Variants in CDH12 observed in about 807,000 individuals in gnomAD.
CDH12 encodes the protein cadherin-12.
A neutral mutation model predicts 74.1 loss-of-function variants in CDH12; 41 were observed. That is an observed-to-expected ratio of 0.55 (90% CI 0.43 to 0.72). CDH12 has a LOEUF of 0.72. CDH12 is among the 30% of genes least tolerant of loss of function. The probability of loss-of-function intolerance (pLI) is 0.00; values close to 1 mark genes in which losing one functional copy is unlikely to be tolerated. For synonymous variants in CDH12, 399 were observed against 355.0 expected (o/e 1.12, Z -1.39); for missense variants, 945 against 977.2 (o/e 0.97, Z 0.44).
At chr5:21,812,531 T>C (rs1223230678) in intron 9 of CDH12, among the ~76,000 whole-genome samples, 1 of 152,128 alleles carries the variant, frequency 6.6e-6, no homozygotes, top group Non-Finnish European at 1.5e-5. Context: ...TGCTTGAGTA[T>C]AGTACTATTT....
At chr5:22,828,275 T>C (rs1424483748) in intron 1 of CDH12, among the ~76,000 whole-genome samples, 6 of 152,182 alleles carry the variant, frequency 3.9e-5, no homozygotes, top group Non-Finnish European at 8.8e-5. Context: ...GGTTATAGGT[T>C]ATATATCAGC....
intron 1 of CDH12, chr5:22,638,871 A>T (rs1738976480): frequency 6.6e-6 from 1 of 151,438 alleles, no homozygotes; most frequent in Non-Finnish European, 1.5e-5. Flanking sequence ...TAACAAGGTG[A>T]AACCCCGTCT....
At chr5:22,179,638 A>G (rs532877284) in intron 4 of CDH12, among the ~76,000 whole-genome samples, 1 of 152,306 alleles carries the variant, frequency 6.6e-6, no homozygotes, top group African/African-American at 2.4e-5. Context: ...GGGTCAGAAT[A>G]TGTTTTTAAA....
At position 21,806,877 on chromosome 5, in the gene CDH12, G is replaced by A. The variant is rs568822160; in HGVS notation, c.1003-4457C>T. On this transcript the variant is annotated intron_variant, in intron 9 of 14. Transcript: ENST00000382254. ...GTTTATACTTTAACTTTGAACCAAG[G>A]ATGATAGTAGTCCCTCCCTATAACT... Among the ~76,000 whole-genome samples, 6 of 152,294 alleles carry A rather than the reference G, an allele frequency of 3.9e-5. No homozygotes were observed. In the South Asian group the frequency reaches 1.2e-3, roughly 32 times the overall value.
At chr5:22,797,591 A>C (rs1031210241) in intron 1 of CDH12, among the ~76,000 whole-genome samples, 1 of 152,200 alleles carries the variant, frequency 6.6e-6, no homozygotes, top group Non-Finnish European at 1.5e-5. Flanking sequence ...AAGAGTAAAA[A>C]ACAATAGATA....
At chr5:22,755,897 A>G (rs1745872654) in intron 1 of CDH12, among the ~76,000 whole-genome samples, 2 of 152,064 alleles carry the variant, frequency 1.3e-5, no homozygotes, top group South Asian at 4.1e-4. Flanking sequence ...ACAAGTTAGA[A>G]CTGTGAAAAA....
intron 3 of CDH12, among the ~76,000 whole-genome samples, chr5:22,323,627 C>T (rs1201935163): frequency 1.3e-5 from 2 of 152,092 alleles, no homozygotes; most frequent in African/African-American, 2.4e-5. Flanking sequence ...AGAAACATAT[C>T]GCCACATGAC....
chr5:22,761,126 C>T (rs1746205801), intron 1 of CDH12, among the ~76,000 whole-genome samples: 2 of 152,150 alleles, frequency 1.3e-5, no homozygotes, highest in African/African-American at 4.8e-5. Flanking sequence ...ATGAATGACA[C>T]TTCAAAGATG....
chr5:22,006,736 C>T (rs1194475231), intron 5 of CDH12, among the ~76,000 whole-genome samples: 1 of 152,078 alleles, frequency 6.6e-6, no homozygotes, highest in East Asian at 1.9e-4. Context: ...TCTCAGGGTC[C>T]TCATCTGTAT....
intron 1 of CDH12, among the ~76,000 whole-genome samples, chr5:22,509,476 A>G (rs1736516160): frequency 2.0e-5 from 3 of 152,216 alleles, no homozygotes; most frequent in Admixed American, 2.0e-4. Flanking sequence ...GACAGGAAGA[A>G]AAAATAAATC....
At chr5:22,072,575 T>TTTA (rs1045292328) in intron 5 of CDH12, among the ~76,000 whole-genome samples, 6 of 150,908 alleles carry the variant, frequency 4.0e-5, no homozygotes, top group African/African-American at 1.2e-4. Context: ...TGTTTAGGCT[T>TTTA]TTATTATTAT....
At chr5:22,380,619 C>T (rs956184788) in intron 3 of CDH12, among the ~76,000 whole-genome samples, 9 of 152,056 alleles carry the variant, frequency 5.9e-5, no homozygotes, top group African/African-American at 2.2e-4. Context: ...CACGCATTTT[C>T]TTAAAACTAA....
intron 7 of CDH12, among the ~76,000 whole-genome samples, chr5:21,846,679 A>T (rs1182975153): frequency 6.6e-6 from 1 of 151,798 alleles, no homozygotes; most frequent in East Asian, 1.9e-4. Context: ...AATCTATTTC[A>T]TTGATTTCTT....
chr5:22,027,842 C>A (rs542401583), intron 5 of CDH12, among the ~76,000 whole-genome samples: 1 of 152,058 alleles, frequency 6.6e-6, no homozygotes, highest in South Asian at 2.1e-4. Flanking sequence ...TTAGTTATTT[C>A]TTGCCTTCTG....
chr5:22,717,302 A>G (rs1197423451), intron 1 of CDH12, among the ~76,000 whole-genome samples: 2 of 152,140 alleles, frequency 1.3e-5, no homozygotes, highest in African/African-American at 4.8e-5. Flanking sequence ...TAAATACACA[A>G]AAATATTTAC....
intron 5 of CDH12, among the ~76,000 whole-genome samples, chr5:21,992,444 C>T (rs888186248): frequency 1.3e-5 from 2 of 151,916 alleles, no homozygotes; most frequent in Admixed American, 1.3e-4. Context: ...TGATTGAGGC[C>T]TTAAATGTTG....
intron 6 of CDH12, among the ~76,000 whole-genome samples, chr5:21,956,296 G>A (rs1174872578): frequency 6.6e-6 from 1 of 151,286 alleles, no homozygotes; most frequent in Non-Finnish European, 1.5e-5. Flanking sequence ...AAAAATAAGG[G>A]CACAAAAAGA....
At chr5:22,623,618 G>C (rs1336376469) in intron 1 of CDH12, among the ~76,000 whole-genome samples, 1 of 152,082 alleles carries the variant, frequency 6.6e-6, no homozygotes, top group Non-Finnish European at 1.5e-5. Context: ...GGACATGAAG[G>C]ACCTCTTCAA....
In CDH12 at chr5:22,513,685, C is replaced by T. The variant is rs572855797; in HGVS notation, c.-522-8321G>A. ...AACACAGGCCAGGCATGGTGGCTCA[C>T]GCCTGTAATCCCAGCACTTTGGGAG... On this transcript the variant is annotated intron_variant, in intron 1 of 14. Transcript: ENST00000382254. 1.4e-4 allele frequency among the ~76,000 whole-genome samples: 21 copies of T among 152,114 alleles called. 1 individual carries two copies. The South Asian group carries it at 2.5e-3, about 18-fold the overall frequency.
Sources: allele counts gnomAD v4.1 joint callset (sites outside exome capture counted in the v4.1 genomes callset), GRCh38; gene constraint gnomAD v4.1.1; transcripts MANE v1.5; gene names NCBI Gene and HGNC (gene_info 2026-07-23, HGNC 2026-07-21).